Variants in SRPK2 observed in about 807,000 individuals in gnomAD.
The protein encoded by SRPK2 is SRSF protein kinase 2, also known as SFRS protein kinase 2.
Under a neutral mutation model 90.8 loss-of-function variants are expected in SRPK2, and 21 were observed. The observed-to-expected ratio is 0.23, with a 90% confidence interval of 0.16 to 0.33. SRPK2 has a LOEUF of 0.33. SRPK2 is among the 10% of genes least tolerant of loss of function. The pLI is 1.00. For synonymous variants in SRPK2, 288 were observed against 311.1 expected (o/e 0.93, Z 0.78); for missense variants, 620 against 869.0 (o/e 0.71, Z 3.60).
At chr7:105,234,396 G>A (rs531138862) in intron 2 of SRPK2, among the ~76,000 whole-genome samples, 8 of 152,244 alleles carry the variant, frequency 5.3e-5, no homozygotes, top group African/African-American at 1.9e-4. Flanking sequence ...AAGATCATTA[G>A]AGAAACTTCT....
intron 2 of SRPK2, among the ~76,000 whole-genome samples, chr7:105,226,437 C>T (rs1248444845): frequency 4.6e-5 from 7 of 152,064 alleles, no homozygotes; most frequent in South Asian, 2.1e-4. Flanking sequence ...ATTACAGGTG[C>T]GCGCCACCAT....
At chr7:105,315,233 T>A (rs1283315836) in intron 2 of SRPK2, among the ~76,000 whole-genome samples, 1 of 152,206 alleles carries the variant, frequency 6.6e-6, no homozygotes, top group East Asian at 1.9e-4. Context: ...AAATTTTTAT[T>A]TTACTGCAAA....
intron 2 of SRPK2, among the ~76,000 whole-genome samples, chr7:105,238,340 C>G (rs1800385459): frequency 6.6e-6 from 1 of 152,214 alleles, no homozygotes; most frequent in African/African-American, 2.4e-5. Flanking sequence ...TAAAGCACTG[C>G]TTCCCACTCC....
intron 2 of SRPK2, among the ~76,000 whole-genome samples, chr7:105,245,797 T>C (rs1214628767): frequency 2.0e-5 from 3 of 152,208 alleles, no homozygotes; most frequent in South Asian, 2.1e-4. Context: ...TCATGCACTA[T>C]GGCCTTGAAC....
rs562294910 is a variant in SRPK2, at chr7:105,374,608, T to A, written c.71+14040A>T. On this transcript the variant is annotated intron_variant, in intron 2 of 15. Transcript: ENST00000393651. ...GAAGTTTTTAAAGACATGAAAAATA[T>A]ACATATATTTTTTTGAGTCAGAGTC... Among the ~76,000 whole-genome samples the A allele has an allele frequency of 2.0e-5, 3 of 152,296 alleles. No homozygotes were observed. In the South Asian group the frequency reaches 6.2e-4, roughly 32 times the overall value.
intron 2 of SRPK2, among the ~76,000 whole-genome samples, chr7:105,243,484 C>G (rs779390127): frequency 1.2e-4 from 18 of 151,930 alleles, no homozygotes; most frequent in Non-Finnish European, 2.4e-4. Context: ...CTAGTCTGGC[C>G]GACATGGTGA....
At chr7:105,256,712 T>TA (rs536408118) in intron 2 of SRPK2, among the ~76,000 whole-genome samples, 79 of 151,942 alleles carry the variant, frequency 5.2e-4, no homozygotes, top group Middle Eastern at 3.4e-3. Flanking sequence ...GTTCAACTCG[T>TA]AAAAAAAATC....
intron 2 of SRPK2, among the ~76,000 whole-genome samples, chr7:105,270,660 C>A (rs748351374): frequency 3.3e-5 from 5 of 151,968 alleles, no homozygotes; most frequent in South Asian, 4.1e-4. Context: ...GCGCCCACCT[C>A]AGCCTCCCAA....
chr7:105,218,597 T>C (rs1797737785), intron 2 of SRPK2, among the ~76,000 whole-genome samples: 2 of 152,010 alleles, frequency 1.3e-5, no homozygotes, highest in African/African-American at 4.8e-5. Context: ...GTCCAAAAGG[T>C]TTAATGAAAA....
At chr7:105,285,385 C>CAAAAAA (rs58399129) in intron 2 of SRPK2, among the ~76,000 whole-genome samples, 9 of 106,192 alleles carry the variant, frequency 8.5e-5, no homozygotes, top group African/African-American at 2.5e-4. Flanking sequence ...ACCCCGTCTC[C>CAAAAAA]AAAAAAAAAA....
intron 2 of SRPK2, among the ~76,000 whole-genome samples, chr7:105,303,536 G>A (rs1185340659): frequency 2.0e-5 from 3 of 151,704 alleles, no homozygotes; most frequent in Non-Finnish European, 2.9e-5. Context: ...AAGATTTATG[G>A]AAATAAAAGG....
chr7:105,363,100 C>T (rs917514423), intron 2 of SRPK2, among the ~76,000 whole-genome samples: 2 of 151,882 alleles, frequency 1.3e-5, no homozygotes, highest in South Asian at 2.1e-4. Flanking sequence ...GATGAGTTAA[C>T]GGGTGCAGCA....
At chr7:105,258,263 A>C (rs1803636156) in intron 2 of SRPK2, among the ~76,000 whole-genome samples, 1 of 151,756 alleles carries the variant, frequency 6.6e-6, no homozygotes, top group Non-Finnish European at 1.5e-5. Flanking sequence ...CTAAAAATAC[A>C]AAAATCAGCC....
chr7:105,237,524 A>G (rs1800283753), intron 2 of SRPK2, among the ~76,000 whole-genome samples: 1 of 152,226 alleles, frequency 6.6e-6, no homozygotes, highest in Admixed American at 6.5e-5. Flanking sequence ...ATTATTCTGG[A>G]GCCCAGATAG....
intron 2 of SRPK2, chr7:105,306,718 T>TATAC (rs1811187057): frequency 3.9e-6 from 1 of 258,844 alleles, no homozygotes; most frequent in Admixed American, 5.1e-5. Context: ...TTTAATGCTG[T>TATAC]ATACATCTCT....
chr7:105,269,294 T>C (rs1316649999), intron 2 of SRPK2, among the ~76,000 whole-genome samples: 1 of 152,174 alleles, frequency 6.6e-6, no homozygotes, highest in East Asian at 1.9e-4. Context: ...GCTGTTTCTA[T>C]TTCACTAGCC....
rs142018911 is a variant in SRPK2 at position 105,238,904 on chromosome 7, T to C, written c.72-35119A>G. 8.5e-4 allele frequency among the ~76,000 whole-genome samples: 129 copies of C among 152,168 alleles called. 1 individual carries two copies. Among genetic ancestry groups the C allele is most frequent in the African/African-American group, 2.8e-3 (117 of 41,520 alleles). On this transcript the variant is annotated intron_variant, in intron 2 of 15. Transcript: ENST00000393651. ...CACTCTTCTAAGCTTTCTTCCAAAATGGACAACTTGACAAGAGAACAAAGC... is the reference window on the plus strand; with the variant it reads ...CACTCTTCTAAGCTTTCTTCCAAAACGGACAACTTGACAAGAGAACAAAGC...
chr7:105,247,487 T>C (rs1016542339), intron 2 of SRPK2, among the ~76,000 whole-genome samples: 1 of 147,334 alleles, frequency 6.8e-6, no homozygotes, highest in Non-Finnish European at 1.5e-5. Flanking sequence ...CAACTACAAA[T>C]AACACCGGAG....
At chr7:105,268,786 T>G in intron 2 of SRPK2, 1 of 1,590,216 alleles carries the variant, frequency 6.3e-7, no homozygotes, top group South Asian at 1.1e-5. Context: ...TAATTGTTCA[T>G]GCAAGAGATG....
Sources: gnomAD v4.1 joint callset for allele counts (sites outside exome capture counted in the v4.1 genomes callset) on GRCh38, gnomAD v4.1.1 for gene constraint, MANE v1.5 for transcripts, NCBI Gene and HGNC (gene_info 2026-07-23, HGNC 2026-07-21) for gene names.